The following PGM5 variants were observed in gnomAD, a reference collection of about 807,000 sequenced individuals.
PGM5 encodes the protein phosphoglucomutase-like protein 5.
PGM5 carries 23 observed loss-of-function variants against 59.2 expected under a neutral mutation model. That is an observed-to-expected ratio of 0.39 (90% CI 0.28 to 0.55). The LOEUF (loss-of-function observed/expected upper bound fraction) is 0.55, where lower values mean the gene tolerates loss of function less well. PGM5 is among the 20% of genes least tolerant of loss of function. The probability of loss-of-function intolerance (pLI) is 0.66; values close to 1 mark genes in which losing one functional copy is unlikely to be tolerated. For missense variants in PGM5, 574 were observed against 748.3 expected (o/e 0.77, Z 2.72); for synonymous variants, 214 against 286.0 (o/e 0.75, Z 2.54).
intron 10 of PGM5, 64 bp downstream of exon 10, chr9:68,499,425 A>G (rs912401328): frequency 1.0e-5 from 16 of 1,544,044 alleles, no homozygotes; most frequent in South Asian, 4.7e-5. Context: ...AGAGAGCTCC[A>G]TGGGCCTTTA....
chr9:68,368,643 T>C (rs1483761397), intron 1 of PGM5, among the ~76,000 whole-genome samples: 1 of 152,202 alleles, frequency 6.6e-6, no homozygotes, highest in Non-Finnish European at 1.5e-5. Context: ...TTTAGGTTTT[T>C]TTTTTCTTTT....
intron 9 of PGM5, chr9:68,496,823 T>G (rs1401294335): frequency 4.6e-5 from 7 of 152,164 alleles, no homozygotes; most frequent in African/African-American, 1.7e-4. Flanking sequence ...TAATGGGAGG[T>G]ACTTCAAAGG....
intron 6 of PGM5, among the ~76,000 whole-genome samples, chr9:68,403,180 G>C (rs1467195387): frequency 6.6e-6 from 1 of 152,112 alleles, no homozygotes; most frequent in Non-Finnish European, 1.5e-5. Context: ...GATTCTCATA[G>C]GAGAGCAAAT....
intron 1 of PGM5, among the ~76,000 whole-genome samples, chr9:68,376,355 A>G (rs1554677639): frequency 6.6e-6 from 1 of 152,084 alleles, no homozygotes; most frequent in Non-Finnish European, 1.5e-5. Context: ...GTACCTCACT[A>G]GTAACTATTA....
rs1249511963 is a variant in PGM5 at position 68,475,265 on chromosome 9, C to T, written c.1160-4153C>T. 2.7e-5 allele frequency among the ~76,000 whole-genome samples: 4 copies of T among 149,440 alleles called. No individual in the cohort carries two copies. The East Asian group carries it at 7.9e-4, about 29-fold the overall frequency. ...GGCCAGGCTGGTCTCAAACTCCTGA[C>T]CTCAGGTGATTCCCCCACCTTGGCC... On this transcript the variant is annotated intron_variant, in intron 7 of 10. Coordinates refer to ENST00000396396, the MANE Select transcript of PGM5 (RefSeq NM_021965.4).
At chr9:68,366,855 A>C (rs1476164939) in intron 1 of PGM5, among the ~76,000 whole-genome samples, 15 of 152,252 alleles carry the variant, frequency 9.9e-5, no homozygotes, top group Admixed American at 9.8e-4. Flanking sequence ...TATTCATATA[A>C]CACAATTATT....
intron 8 of PGM5, among the ~76,000 whole-genome samples, chr9:68,481,620 C>T (rs1824197963): frequency 6.6e-6 from 1 of 152,168 alleles, no homozygotes; most frequent in Non-Finnish European, 1.5e-5. Context: ...TAGGTTTCTG[C>T]TGGTGTCTTG....
At chr9:68,457,301 A>G (rs1450160748) in intron 6 of PGM5, among the ~76,000 whole-genome samples, 1 of 152,222 alleles carries the variant, frequency 6.6e-6, no homozygotes, top group African/African-American at 2.4e-5. Flanking sequence ...AGAACATGGG[A>G]CAGACAGTGA....
chr9:68,516,045 T>A (rs78002186), intron 10 of PGM5, among the ~76,000 whole-genome samples: 1,871 of 152,366 alleles, frequency 0.012, 13 homozygotes, highest in Middle Eastern at 0.027. Flanking sequence ...TAGGTAGTCA[T>A]GCTATCCATC....
chr9:68,469,099 G>T (rs1169078482), intron 7 of PGM5, among the ~76,000 whole-genome samples: 4 of 152,098 alleles, frequency 2.6e-5, no homozygotes, highest in African/African-American at 9.7e-5. Context: ...TGTATTTTTA[G>T]GAGAGACAGG....
rs1238542538 is a variant in PGM5 at position 68,466,076 on chromosome 9, ATG to A, written c.1159+872_1159+873del. ...TGTCCTTCTGAGGCTCCAATTACAC[ATG>A]TGTTAGATAATTTGTGATGACAAAT... On this transcript the variant is annotated intron_variant, in intron 7 of 10. Transcript: ENST00000396396. The A allele has an allele frequency of 4.6e-5, 52 of 1,138,976 alleles. No individual in the cohort carries two copies. The African/African-American group carries it at 5.7e-4, about 12-fold the overall frequency. The allele number at this position is 1,138,976 out of a possible 1,614,324, so 70.6% of individuals were successfully genotyped here.
intron 9 of PGM5, among the ~76,000 whole-genome samples, chr9:68,491,934 T>C (rs1465697906): frequency 2.6e-5 from 4 of 152,238 alleles, no homozygotes; most frequent in African/African-American, 9.6e-5. Flanking sequence ...AACTGGAGTA[T>C]TGTTATAAAG....
chr9:68,388,899 CTATCTT>C (rs71353050), intron 4 of PGM5, among the ~76,000 whole-genome samples: 38,646 of 151,496 alleles, frequency 0.26, 5,842 homozygotes, highest in Middle Eastern at 0.37. Context: ...GTGTGGGACT[CTATCTT>C]TATTATATTG....
At chr9:68,466,597 AC>A (rs1219732454) in intron 7 of PGM5, 3 of 153,042 alleles carry the variant, frequency 2.0e-5, no homozygotes, top group Admixed American at 6.5e-5. Context: ...AATGGGTACA[AC>A]CCTTTTTTGG....
chr9:68,496,324 C>T (rs1239021391), intron 9 of PGM5, among the ~76,000 whole-genome samples: 1 of 152,216 alleles, frequency 6.6e-6, no homozygotes, highest in Non-Finnish European at 1.5e-5. Flanking sequence ...CAATCCAATA[C>T]AGCTATTCAC....
At position 68,357,012 on chromosome 9, in the gene PGM5, A is replaced by T; in HGVS notation, c.-116A>T. The T allele has an allele frequency of 8.9e-7, 1 of 1,122,366 alleles. No homozygotes were observed. The highest frequency in any genetic ancestry group is 3.9e-5 in the Admixed American group (1 of 25,592). 69.5% of individuals were successfully genotyped at this position (1,122,366 alleles called of 1,614,324 possible). ...GGCGCAGGGCGCCGACCTGCTGGAGAGGGGGCCCGGGCGCGAGGCGGAGTC... is the reference window on the plus strand; with the variant it reads ...GGCGCAGGGCGCCGACCTGCTGGAGTGGGGGCCCGGGCGCGAGGCGGAGTC... On this transcript the variant is annotated 5_prime_UTR_variant, in exon 1 of 11. Transcript: ENST00000396396.
chr9:68,479,587 C>G, intron 8 of PGM5, 34 bp downstream of exon 8: 1 of 1,604,860 alleles, frequency 6.2e-7, no homozygotes, highest in Non-Finnish European at 8.5e-7. Flanking sequence ...TGTATGGACC[C>G]TGAAGAACTA....
intron 1 of PGM5, among the ~76,000 whole-genome samples, chr9:68,365,368 C>T (rs1472636518): frequency 6.8e-6 from 1 of 147,782 alleles, no homozygotes; most frequent in Non-Finnish European, 1.5e-5. Context: ...GGCCAATATG[C>T]CTCTACTACT....
At chr9:68,396,566 T>C (rs1169483868) in intron 6 of PGM5, 3 of 152,280 alleles carry the variant, frequency 2.0e-5, no homozygotes, top group African/African-American at 7.2e-5. Context: ...TGCTTAGAAA[T>C]TTCACAAAGG....
Sources: allele counts gnomAD v4.1 joint callset (sites outside exome capture counted in the v4.1 genomes callset), GRCh38; gene constraint gnomAD v4.1.1; transcripts MANE v1.5; gene names NCBI Gene and HGNC (gene_info 2026-07-23, HGNC 2026-07-21).